CPED1: variants seen among roughly 807,000 people sequenced by gnomAD.
CPED1 encodes the protein cadherin like and PC-esterase domain containing 1.
A neutral mutation model predicts 128.2 loss-of-function variants in CPED1; 114 were observed. The ratio of observed to expected loss-of-function variants is 0.89; its 90% confidence interval spans 0.76 to 1.04. The LOEUF (loss-of-function observed/expected upper bound fraction) is 1.04. Ranked by LOEUF, CPED1 falls within the 50% of genes least tolerant of loss-of-function variation. CPED1 has a pLI of 0.00. For missense variants in CPED1, 1,211 were observed against 1,207.1 expected, an observed-to-expected ratio of 1.00 and a Z score of -0.05; for synonymous variants, 462 against 426.7, an observed-to-expected ratio of 1.08 and a Z score of -1.02.
chr7:121,007,231 A>ATTTTTTTTTTTTTTTTTTTTTTTT (rs398006038), intron 2 of CPED1, among the ~76,000 whole-genome samples: 2 of 129,822 alleles, frequency 1.5e-5, no homozygotes, highest in Non-Finnish European at 3.2e-5. Context: ...TTCAGGTTGC[A>ATTTTTTTTTTTTTTTTTTTTTTTT]TTTTTTTTTT....
chr7:121,244,682 A>G (rs988253289), intron 18 of CPED1, among the ~76,000 whole-genome samples: 1 of 152,194 alleles, frequency 6.6e-6, no homozygotes. Context: ...GGCCTTGTCA[A>G]CTGCAGCTCT....
intron 2 of CPED1, among the ~76,000 whole-genome samples, chr7:120,996,923 A>G (rs775523016): frequency 2.8e-4 from 42 of 152,168 alleles, no homozygotes; most frequent in Admixed American, 5.2e-4. Flanking sequence ...AGCGCACTCA[A>G]TTGAGTAGAA....
At chr7:121,194,183 G>T (rs977559617) in intron 16 of CPED1, among the ~76,000 whole-genome samples, 1 of 150,856 alleles carries the variant, frequency 6.6e-6, no homozygotes, top group East Asian at 2.0e-4. Flanking sequence ...AAGTAGCTGG[G>T]ACTACAGGTG....
At chr7:121,031,599 A>T (rs951399936) in intron 3 of CPED1, among the ~76,000 whole-genome samples, 1 of 152,148 alleles carries the variant, frequency 6.6e-6, no homozygotes, top group African/African-American at 2.4e-5. Flanking sequence ...GTCTCTGCCA[A>T]TTTCTCTACA....
intron 16 of CPED1, among the ~76,000 whole-genome samples, chr7:121,204,775 G>T (rs972099879): frequency 3.2e-4 from 48 of 152,126 alleles, no homozygotes; most frequent in Non-Finnish European, 5.3e-4. Flanking sequence ...TCTGCCCCAG[G>T]CTAGTGCTAG....
At chr7:121,055,268 T>A (rs992318808) in intron 4 of CPED1, among the ~76,000 whole-genome samples, 88 of 152,284 alleles carry the variant, frequency 5.8e-4, no homozygotes, top group Non-Finnish European at 9.3e-4. Flanking sequence ...CTTTTAAATT[T>A]AAAAATTTTT....
intron 5 of CPED1, among the ~76,000 whole-genome samples, chr7:121,094,734 T>C (rs748245631): frequency 3.3e-5 from 5 of 152,188 alleles, no homozygotes; most frequent in Non-Finnish European, 7.3e-5. Context: ...GTCTCCTGTT[T>C]CTGGTTTAAT....
intron 7 of CPED1, among the ~76,000 whole-genome samples, chr7:121,104,103 A>G (rs1200983732): frequency 1.3e-5 from 2 of 152,118 alleles, no homozygotes; most frequent in Non-Finnish European, 2.9e-5. Context: ...CGCAAATGTA[A>G]TATTTGCTTA....
intron 3 of CPED1, among the ~76,000 whole-genome samples, chr7:121,042,715 G>C (rs1224297701): frequency 6.6e-6 from 1 of 152,162 alleles, no homozygotes; most frequent in Non-Finnish European, 1.5e-5. Flanking sequence ...ATATCAAATA[G>C]ATTGTTGTAT....
chr7:121,141,069 G>T, intron 15 of CPED1, 56 bp downstream of exon 15: 1 of 1,389,164 alleles, frequency 7.2e-7, no homozygotes, highest in Non-Finnish European at 9.6e-7. Flanking sequence ...GTAGACATTT[G>T]ATGCAAACTT....
chr7:121,141,158 T>C (rs922089989), intron 15 of CPED1, 145 bp downstream of exon 15: 1 of 564,592 alleles, frequency 1.8e-6, no homozygotes, highest in African/African-American at 2.0e-5. Context: ...TCTCATTTTT[T>C]TTAAAAAAGA....
chr7:121,139,612 A>G (rs534273218), intron 14 of CPED1, among the ~76,000 whole-genome samples: 1 of 152,150 alleles, frequency 6.6e-6, no homozygotes, highest in Admixed American at 6.6e-5. Context: ...CAAGACAAGG[A>G]AGGGATTGTG....
intron 22 of CPED1, among the ~76,000 whole-genome samples, chr7:121,286,504 C>A (rs1310395375): frequency 6.6e-6 from 1 of 152,174 alleles, no homozygotes; most frequent in Non-Finnish European, 1.5e-5. Context: ...TGGGATCCTC[C>A]TAGAAGACAC....
chr7:121,278,752 C>T (rs1289874748), intron 22 of CPED1, among the ~76,000 whole-genome samples: 1 of 152,170 alleles, frequency 6.6e-6, no homozygotes, highest in East Asian at 1.9e-4. Flanking sequence ...AAAGGGAGTA[C>T]CCTATATTGA....
At chr7:121,129,676 AAG>A (rs1795614441) in intron 11 of CPED1, among the ~76,000 whole-genome samples, 1 of 151,958 alleles carries the variant, frequency 6.6e-6, no homozygotes, top group African/African-American at 2.4e-5. Flanking sequence ...TTGCAAGAGA[AAG>A]AGAAAATTCC....
chr7:121,131,098 C>A (rs1036878481), intron 12 of CPED1, among the ~76,000 whole-genome samples: 11 of 152,112 alleles, frequency 7.2e-5, no homozygotes, highest in African/African-American at 2.7e-4. Context: ...TCATTTAAGT[C>A]TTTTGCAGTC....
At chr7:121,072,777 A>G (rs530278442) in intron 5 of CPED1, among the ~76,000 whole-genome samples, 1 of 152,336 alleles carries the variant, frequency 6.6e-6, no homozygotes, top group Admixed American at 6.5e-5. Flanking sequence ...AAATATATAT[A>G]TGAAAATGAG....
intron 16 of CPED1, among the ~76,000 whole-genome samples, chr7:121,195,768 T>C (rs553305701): frequency 6.6e-6 from 1 of 152,304 alleles, no homozygotes; most frequent in East Asian, 1.9e-4. Context: ...TAATTTTTCT[T>C]TCAAAAACAC....
chr7:121,129,337 GTATA>G (rs756336162), intron 11 of CPED1, among the ~76,000 whole-genome samples: 5 of 57,852 alleles, frequency 8.6e-5, no homozygotes, highest in Admixed American at 2.2e-4. Flanking sequence ...ATATATATAC[GTATA>G]TATATATATA....
Sources: allele counts gnomAD v4.1 joint callset (sites outside exome capture counted in the v4.1 genomes callset), GRCh38; gene constraint gnomAD v4.1.1; transcripts MANE v1.5; gene names NCBI Gene and HGNC (gene_info 2026-07-23, HGNC 2026-07-21).